Variants in DRC8 observed in about 807,000 individuals in gnomAD.
The protein encoded by DRC8 is dynein regulatory complex subunit 8.
At chr1:245,109,336 C>G in the DRC8 span, among the ~76,000 whole-genome samples, 1 of 152,148 alleles carries the variant, frequency 6.6e-6, no homozygotes, top group Non-Finnish European at 1.5e-5. Context: ...TAGAGAGGGG[C>G]ACAGATGGAA....
At chr1:245,103,161 C>G in the DRC8 span, among the ~76,000 whole-genome samples, 4 of 130,270 alleles carry the variant, frequency 3.1e-5, no homozygotes, top group East Asian at 2.8e-4. Context: ...GTGAGGCTGA[C>G]GAGGATCAGA....
chr1:244,994,429 C>CT, the DRC8 span, among the ~76,000 whole-genome samples: 1 of 152,008 alleles, frequency 6.6e-6, no homozygotes, highest in Non-Finnish European at 1.5e-5. Flanking sequence ...CATTAAACTT[C>CT]TTTTTTTATT....
At chr1:245,094,673 C>A in the DRC8 span, among the ~76,000 whole-genome samples, 2 of 152,170 alleles carry the variant, frequency 1.3e-5, no homozygotes, top group Non-Finnish European at 1.5e-5. Flanking sequence ...GCAGGGGCAC[C>A]TCACTGTGAG....
the DRC8 span, among the ~76,000 whole-genome samples, chr1:245,019,649 A>G: frequency 6.6e-6 from 1 of 151,744 alleles, no homozygotes; most frequent in Admixed American, 6.6e-5. Context: ...TTGGTATTAC[A>G]GGTGTGAGCC....
chr1:245,008,190 A>G, the DRC8 span, among the ~76,000 whole-genome samples: 1 of 152,122 alleles, frequency 6.6e-6, no homozygotes, highest in Non-Finnish European at 1.5e-5. Context: ...AAAGAAACAA[A>G]CAAAAACCCT....
the DRC8 span, among the ~76,000 whole-genome samples, chr1:245,021,169 A>G: frequency 5.9e-5 from 9 of 152,274 alleles, no homozygotes; most frequent in Non-Finnish European, 1.0e-4. Context: ...TGATTTTTAA[A>G]TGAATTAATA....
the DRC8 span, among the ~76,000 whole-genome samples, chr1:245,016,837 TA>T: frequency 3.3e-5 from 5 of 152,210 alleles, no homozygotes; most frequent in African/African-American, 1.2e-4. Context: ...ACACTGTTGA[TA>T]AGCAAACAGT....
At chr1:244,991,773 T>C in the DRC8 span, among the ~76,000 whole-genome samples, 1 of 152,236 alleles carries the variant, frequency 6.6e-6, no homozygotes, top group Non-Finnish European at 1.5e-5. Flanking sequence ...TTTAAAATCA[T>C]AAACAAATAT....
chr1:245,023,702 A>G, the DRC8 span, among the ~76,000 whole-genome samples: 1 of 152,180 alleles, frequency 6.6e-6, no homozygotes, highest in African/African-American at 2.4e-5. Context: ...CCATTTGTAC[A>G]TCTTCTTTGG....
chr1:245,121,447 C>T, the DRC8 span, among the ~76,000 whole-genome samples: 21 of 152,286 alleles, frequency 1.4e-4, no homozygotes, highest in African/African-American at 5.1e-4. Flanking sequence ...TCAGGCAGCC[C>T]CCTTCCTCAT....
the DRC8 span, among the ~76,000 whole-genome samples, chr1:245,071,442 C>T: frequency 1.9e-4 from 29 of 152,268 alleles, no homozygotes; most frequent in Admixed American, 1.8e-3. Context: ...TATTGGAATC[C>T]GGAAGAAAGG....
At chr1:245,086,292 T>G in the DRC8 span, among the ~76,000 whole-genome samples, 2 of 152,268 alleles carry the variant, frequency 1.3e-5, no homozygotes. Flanking sequence ...TACGATTTAA[T>G]ATAACAGACC....
At chr1:245,055,789 C>T in the DRC8 span, among the ~76,000 whole-genome samples, 2 of 152,202 alleles carry the variant, frequency 1.3e-5, no homozygotes, top group Non-Finnish European at 2.9e-5. Flanking sequence ...TCTTGCCGCT[C>T]GCTGCCTATC....
chr1:245,082,248 T>C, the DRC8 span: 3 of 1,218,130 alleles, frequency 2.5e-6, no homozygotes, highest in South Asian at 2.5e-5. Context: ...TTTTTCACTT[T>C]GTGTGTTATA....
chr1:245,068,956 T>G, the DRC8 span, among the ~76,000 whole-genome samples: 1 of 152,240 alleles, frequency 6.6e-6, no homozygotes. Context: ...TTTACCTTTT[T>G]CACTCACTAT....
chr1:244,981,152 C>G, the DRC8 span, among the ~76,000 whole-genome samples: 1 of 152,070 alleles, frequency 6.6e-6, no homozygotes, highest in Non-Finnish European at 1.5e-5. Flanking sequence ...CCATTGCACT[C>G]CAGCCTGGAT....
At chr1:245,118,619 C>T in the DRC8 span, among the ~76,000 whole-genome samples, 1 of 152,052 alleles carries the variant, frequency 6.6e-6, no homozygotes, top group Admixed American at 6.6e-5. Flanking sequence ...GGGAGAAACC[C>T]CGTCTCTACT....
the DRC8 span, among the ~76,000 whole-genome samples, chr1:244,987,367 A>AT: frequency 3.3e-4 from 50 of 150,758 alleles, 1 homozygote; most frequent in Admixed American, 9.9e-4. Flanking sequence ...CACCTGGCTA[A>AT]TTTTTTTTTG....
At chr1:245,011,525 A>G in the DRC8 span, among the ~76,000 whole-genome samples, 1 of 152,216 alleles carries the variant, frequency 6.6e-6, no homozygotes, top group African/African-American at 2.4e-5. Flanking sequence ...AGGTTACTGT[A>G]TACTGTACAG....
Sources: gnomAD v4.1 joint callset for allele counts (sites outside exome capture counted in the v4.1 genomes callset) on GRCh38, gnomAD v4.1.1 for gene constraint, MANE v1.5 for transcripts, NCBI Gene and HGNC (gene_info 2026-07-23, HGNC 2026-07-21) for gene names.